The following GSK3B variants were observed in gnomAD, a reference collection of about 807,000 sequenced individuals.
The protein encoded by GSK3B is glycogen synthase kinase-3 beta.
Under a neutral mutation model 56.4 loss-of-function variants are expected in GSK3B, and 15 were observed. That is an observed-to-expected ratio of 0.27 (90% CI 0.18 to 0.41). The LOEUF (loss-of-function observed/expected upper bound fraction) is 0.41, where lower values mean the gene tolerates loss of function less well. GSK3B is among the 10% of genes least tolerant of loss of function. The probability of loss-of-function intolerance (pLI) is 1.00; values close to 1 mark genes in which losing one functional copy is unlikely to be tolerated. For missense variants in GSK3B, 300 were observed against 513.4 expected (o/e 0.58, Z 4.02); for synonymous variants, 181 against 188.9 (o/e 0.96, Z 0.34).
intron 9 of GSK3B, among the ~76,000 whole-genome samples, chr3:119,846,209 T>G (rs370669821): frequency 9.2e-5 from 14 of 152,294 alleles, no homozygotes; most frequent in African/African-American, 3.4e-4. Flanking sequence ...GAAGGAAACC[T>G]AGGCAATATC....
intron 2 of GSK3B, among the ~76,000 whole-genome samples, chr3:119,971,824 G>C (rs1316900914): frequency 2.0e-5 from 3 of 151,142 alleles, no homozygotes. Context: ...TTTTAGCCGG[G>C]ATGGTCTCGA....
chr3:120,024,152 G>A (rs1230619676), intron 1 of GSK3B, among the ~76,000 whole-genome samples: 1 of 151,960 alleles, frequency 6.6e-6, no homozygotes, highest in East Asian at 1.9e-4. Context: ...GCAATATAGT[G>A]AGATACTGTC....
At chr3:120,033,288 T>C (rs1428631981) in intron 1 of GSK3B, among the ~76,000 whole-genome samples, 1 of 152,246 alleles carries the variant, frequency 6.6e-6, no homozygotes, top group Non-Finnish European at 1.5e-5. Flanking sequence ...TTAGCTATTA[T>C]GAATAATGCT....
intron 2 of GSK3B, among the ~76,000 whole-genome samples, chr3:119,982,652 GT>G: frequency 6.6e-6 from 1 of 151,694 alleles, no homozygotes; most frequent in South Asian, 2.1e-4. Flanking sequence ...AAGCGAGAAG[GT>G]TAGAGAAAAA....
chr3:120,049,680 G>A (rs1272338160), intron 1 of GSK3B, among the ~76,000 whole-genome samples: 1 of 152,174 alleles, frequency 6.6e-6, no homozygotes. Context: ...CATATGGGGG[G>A]ATATATGATC....
At chr3:119,961,632 C>CAAAA (rs1211316414) in intron 2 of GSK3B, among the ~76,000 whole-genome samples, 3 of 95,862 alleles carry the variant, frequency 3.1e-5, no homozygotes, top group South Asian at 3.1e-4. Context: ...GTCTCACAAA[C>CAAAA]AAAAAAAAAA....
chr3:119,884,021 T>C (rs1464778246), intron 7 of GSK3B, among the ~76,000 whole-genome samples: 1 of 152,106 alleles, frequency 6.6e-6, no homozygotes, highest in Non-Finnish European at 1.5e-5. Context: ...ACCTGCGGTA[T>C]AAGTGCTAGG....
chr3:120,056,637 C>T (rs2058193341), intron 1 of GSK3B, among the ~76,000 whole-genome samples: 1 of 152,064 alleles, frequency 6.6e-6, no homozygotes, highest in Non-Finnish European at 1.5e-5. Flanking sequence ...CTGTGCCTGA[C>T]CAGAGGTTCT....
At chr3:120,054,449 C>T (rs2058176805) in intron 1 of GSK3B, among the ~76,000 whole-genome samples, 1 of 152,186 alleles carries the variant, frequency 6.6e-6, no homozygotes, top group South Asian at 2.1e-4. Context: ...ATTCCTAAAT[C>T]TAATAAACAC....
intron 7 of GSK3B, among the ~76,000 whole-genome samples, chr3:119,887,808 A>G (rs1025723219): frequency 6.6e-5 from 10 of 152,138 alleles, no homozygotes; most frequent in Admixed American, 3.3e-4. Context: ...AAAACTCATA[A>G]TCAACTGATA....
At chr3:119,827,290 T>G (rs2055526268) in intron 10 of GSK3B, among the ~76,000 whole-genome samples, 1 of 152,172 alleles carries the variant, frequency 6.6e-6, no homozygotes, top group Non-Finnish European at 1.5e-5. Context: ...GAAAGTAACG[T>G]GGGTCAGTGT....
rs760646547 is a variant in GSK3B, at chr3:119,923,500, A to T, written c.367-17T>A. 4 of 1,273,314 alleles carry T rather than the reference A, an allele frequency of 3.1e-6. No individual in the cohort carries two copies. The highest frequency in any genetic ancestry group is 3.3e-6 in the Non-Finnish European group (3 of 897,794). 78.9% of individuals were successfully genotyped at this position (1,273,314 alleles called of 1,614,324 possible). A position where few individuals can be genotyped will look rare whatever the true frequency, so the allele number is the denominator to read the frequency against. Reference sequence around the variant, plus strand: ...CTCATCTTTCTGAAAGAGTTTATTTAAAAAAACAAAAAACAAAACAGATTA... The same window carrying T: ...CTCATCTTTCTGAAAGAGTTTATTTTAAAAAACAAAAAACAAAACAGATTA... On this transcript the variant is annotated splice_polypyrimidine_tract_variant and intron_variant, in intron 3 of 10. Coordinates refer to ENST00000264235, the MANE Select transcript of GSK3B (RefSeq NM_001146156.2).
intron 3 of GSK3B, among the ~76,000 whole-genome samples, chr3:119,933,539 T>A (rs1465157949): frequency 6.6e-6 from 1 of 152,142 alleles, no homozygotes; most frequent in Non-Finnish European, 1.5e-5. Context: ...AACAAAAACA[T>A]GCTTTAAAAT....
rs539625113 is a variant in GSK3B, at chr3:120,054,433, C to T, written c.88+38914G>A. On this transcript the variant is annotated intron_variant, in intron 1 of 10. Transcript: ENST00000264235. ...TTGCTTTTTCCAAAGTCATCAATGC[C>T]TTCTTATTCCTAAATCTAATAAACA... 2.0e-5 allele frequency among the ~76,000 whole-genome samples: 3 copies of T among 152,254 alleles called. No individual in the cohort carries two copies. In the South Asian group the frequency reaches 6.2e-4, roughly 32 times the overall value.
chr3:120,032,908 C>G (rs574073833), intron 1 of GSK3B, among the ~76,000 whole-genome samples: 88 of 152,296 alleles, frequency 5.8e-4, no homozygotes, highest in African/African-American at 2.0e-3. Context: ...AACTAAAGTG[C>G]ACATTGAACG....
intron 8 of GSK3B, among the ~76,000 whole-genome samples, chr3:119,865,159 A>G (rs1335065367): frequency 6.6e-6 from 1 of 152,102 alleles, no homozygotes; most frequent in Admixed American, 6.5e-5. Flanking sequence ...TCGTAAAAAT[A>G]TTAAACAGTA....
At position 120,094,354 on chromosome 3, in the gene GSK3B, CG is replaced by C; in HGVS notation, c.-921del. 3.4e-6 allele frequency: 1 copy of C among 293,362 alleles called. No individual in the cohort carries two copies. The highest frequency in any genetic ancestry group is 6.3e-6 in the Non-Finnish European group (1 of 157,584). 18.2% of individuals were successfully genotyped at this position (293,362 alleles called of 1,614,324 possible). ...AGCGGCTGCGGGGCCGGCTCCTCCT[CG>C]CTTCCTTCCTTCCTTTGTCACTTGG... On this transcript the variant is annotated 5_prime_UTR_variant, in exon 1 of 11. Transcript: ENST00000264235.
At chr3:119,978,212 A>T (rs1043049015) in intron 2 of GSK3B, among the ~76,000 whole-genome samples, 1 of 152,144 alleles carries the variant, frequency 6.6e-6, no homozygotes, top group African/African-American at 2.4e-5. Context: ...CTCCCAGATC[A>T]GAGACATACT....
At chr3:120,048,680 G>A (rs1307693270) in intron 1 of GSK3B, among the ~76,000 whole-genome samples, 1 of 152,144 alleles carries the variant, frequency 6.6e-6, no homozygotes, top group Non-Finnish European at 1.5e-5. Context: ...CTGCTACTAG[G>A]AGTCCTACCA....
Sources: gnomAD v4.1 joint callset for allele counts (sites outside exome capture counted in the v4.1 genomes callset) on GRCh38, gnomAD v4.1.1 for gene constraint, MANE v1.5 for transcripts, NCBI Gene and HGNC (gene_info 2026-07-23, HGNC 2026-07-21) for gene names.